CNFN: variants seen among roughly 807,000 people sequenced by gnomAD.
CNFN encodes the protein cornefied envelope protein cornefilin.
A neutral mutation model predicts 14.9 loss-of-function variants in CNFN; 10 were observed. The ratio of observed to expected loss-of-function variants is 0.67; its 90% CI spans 0.41 to 1.14. The LOEUF (loss-of-function observed/expected upper bound fraction) is 1.14. Ranked by LOEUF, CNFN falls within the 50% of genes most tolerant of loss-of-function variation. The pLI is 0.00. For missense variants in CNFN, 165 were observed against 152.8 expected (o/e 1.08, Z -0.42); for synonymous variants, 66 against 60.0 (o/e 1.10, Z -0.46).
At chr19:42,387,995 C>CAAAAAAAAAAAAAAAA (rs755521374) in intron 2 of CNFN, among the ~76,000 whole-genome samples, 6 of 36,106 alleles carry the variant, frequency 1.7e-4, no homozygotes, top group Non-Finnish European at 2.6e-4. Flanking sequence ...AAACAAAAAA[C>CAAAAAAAAAAAAAAAA]AAAACAAAAA....
rs376431806 is a variant in CNFN at position 42,388,993 on chromosome 19, G to A, written c.45C>T (p.Ser15=). The A allele has an allele frequency of 9.9e-6, 16 of 1,613,994 alleles. No homozygotes were observed. The East Asian group carries it at 2.0e-4, about 20-fold the overall frequency. ...VTSQPQCATT[S]CYQTQLSDWH... is the part of the protein sequence containing the mutation. ...AGTCACTGAGCTGGGTCTGGTAGCA[G>A]CTGGTGGTGGCGCACTGGGGCTGAC... The change falls in exon 2 of 4, where the codon AGC becomes AGT. Residue 15 remains serine, a synonymous_variant. Coordinates refer to ENST00000222032, the MANE Select transcript of CNFN (RefSeq NM_032488.4).
chr19:42,387,517 G>T (rs538896941), intron 2 of CNFN, 41 bp from the exon 3 acceptor site: 17 of 1,487,774 alleles, frequency 1.1e-5, no homozygotes, highest in East Asian at 2.5e-5. Context: ...GCCAGCCGGG[G>T]CCTCCCGACG....
intron 2 of CNFN, 39 bp from the exon 3 acceptor site, chr19:42,387,515 G>A: frequency 6.7e-7 from 1 of 1,501,044 alleles, no homozygotes; most frequent in Non-Finnish European, 8.9e-7. Flanking sequence ...GGGCCAGCCG[G>A]GGCCTCCCGA....
chr19:42,388,538 G>A (rs141689230), intron 2 of CNFN, among the ~76,000 whole-genome samples: 1 of 152,202 alleles, frequency 6.6e-6, no homozygotes, highest in African/African-American at 2.4e-5. Context: ...TCATTATGTT[G>A]CCCAGGCTGA....
chr19:42,387,554 A>C, intron 2 of CNFN, 78 bp from the exon 3 acceptor site: 2 of 1,148,778 alleles, frequency 1.7e-6, no homozygotes, highest in South Asian at 3.1e-5. Context: ...GGCGCGGTTG[A>C]TTCGCCGCGG....
intron 2 of CNFN, among the ~76,000 whole-genome samples, 184 bp downstream of exon 2, chr19:42,388,742 T>C (rs1024199490): frequency 2.2e-4 from 33 of 152,080 alleles, no homozygotes; most frequent in South Asian, 2.1e-4. Flanking sequence ...TGAGGTAGTA[T>C]CCTAAGGAGT....
Position 42,387,935 on chromosome 19 carries a change from G to A in CNFN, c.113-459C>T, listed in dbSNP as rs1217865666. On this transcript the variant is annotated intron_variant, in intron 2 of 3. Coordinates refer to ENST00000222032, the MANE Select transcript of CNFN (RefSeq NM_032488.4). ...GCGGAGGTTGCAGTGAGCATAGACT[G>A]TGCCATTGCATTCCAGCCTGGGCGA... 2.1e-5 allele frequency among the ~76,000 whole-genome samples: 3 copies of A among 142,856 alleles called. No homozygotes were observed. The Admixed American group carries it at 2.2e-4, about 10-fold the overall frequency. The allele number at this position is 142,856 out of a possible 152,430, so 93.7% of individuals were successfully genotyped here.
chr19:42,388,298 A>G (rs954373306), intron 2 of CNFN, among the ~76,000 whole-genome samples: 1 of 150,924 alleles, frequency 6.6e-6, no homozygotes, highest in Non-Finnish European at 1.5e-5. Flanking sequence ...GGTTCAATCA[A>G]TTCTCTTTCT....
chr19:42,388,322 A>G (rs2039871378), intron 2 of CNFN, among the ~76,000 whole-genome samples: 8 of 150,958 alleles, frequency 5.3e-5, no homozygotes. Context: ...CCTCCCGAGT[A>G]GCTGAGTTTA....
rs564853838 is a variant in CNFN at position 42,387,702 on chromosome 19, C to T, written c.113-226G>A. On this transcript the variant is annotated intron_variant, in intron 2 of 3. Coordinates refer to ENST00000222032, the MANE Select transcript of CNFN (RefSeq NM_032488.4). ...TTTTTTTTTTTTTAGAAATTGGAGG[C>T]TGGGTGCAGTGGCTTACGCCTGTAA... Among the ~76,000 whole-genome samples the T allele has an allele frequency of 5.3e-5, 7 of 131,474 alleles. No individual in the cohort carries two copies. The East Asian group carries it at 1.4e-3, about 26-fold the overall frequency. 86.3% of individuals were successfully genotyped at this position (131,474 alleles called of 152,430 possible). A position where few individuals can be genotyped will look rare whatever the true frequency, so the allele number is the denominator to read the frequency against.
intron 2 of CNFN, among the ~76,000 whole-genome samples, chr19:42,388,320 G>A (rs1352881765): frequency 6.6e-6 from 1 of 151,668 alleles, no homozygotes. Flanking sequence ...AGCCTCCCGA[G>A]TAGCTGAGTT....
intron 1 of CNFN, among the ~76,000 whole-genome samples, chr19:42,389,976 G>A (rs1437530556): frequency 1.3e-5 from 2 of 152,228 alleles, no homozygotes; most frequent in East Asian, 3.9e-4. Context: ...TCAGAGACAT[G>A]AGGAGGAACG....
At chr19:42,389,830 A>G (rs2039885115) in intron 1 of CNFN, among the ~76,000 whole-genome samples, 1 of 152,222 alleles carries the variant, frequency 6.6e-6, no homozygotes, top group Non-Finnish European at 1.5e-5. Flanking sequence ...GAGAACAAGA[A>G]ATGGAGATGG....
Position 42,388,005 on chromosome 19 carries a change from A to AAAAAAAAC in CNFN, c.113-530_113-529insGTTTTTTT, listed in dbSNP as rs2039868815. On this transcript the variant is annotated intron_variant, in intron 2 of 3. Transcript: ENST00000222032. Reference sequence around the variant, plus strand: ...AAAAAAAACAAAAAACAAAACAAAAAAAAAAACGAAAGAAAGAAAAAAAAA... The same window carrying AAAAAAAAC: ...AAAAAAAACAAAAAACAAAACAAAAAAAAAAAACAAAAAACGAAAGAAAGAAAAAAAAA... Among the ~76,000 whole-genome samples the AAAAAAAAC allele has an allele frequency of 1.5e-4, 22 of 143,718 alleles. 1 individual carries two copies. The highest frequency in any genetic ancestry group is 5.8e-4 in the African/African-American group (21 of 36,262). The allele number at this position is 143,718 out of a possible 152,430, so 94.3% of individuals were successfully genotyped here.
chr19:42,387,158 C>G lies in CNFN; in HGVS notation c.334G>C (p.Glu112Gln), dbSNP rs377142154. 5 of 1,614,082 alleles carry G rather than the reference C, an allele frequency of 3.1e-6. No individual in the cohort carries two copies. The Admixed American group carries it at 5.0e-5, about 16-fold the overall frequency. The change falls in exon 4 of 4, where the codon GAG (glutamate) becomes CAG (glutamine). Residue 112 changes from glutamate to glutamine, a missense_variant. Glu to Gln is a conservative substitution (Grantham distance 29). Coordinates refer to ENST00000222032, the MANE Select transcript of CNFN (RefSeq NM_032488.4). ...CQMARELKIR[E>Q] ...GGGGAAGACAGGGAACTTCCTTACT[C>G]TCGGATCTTCAGTTCCCGCGCCATC...
In CNFN at chr19:42,387,130, G is replaced by A; in HGVS notation, c.*23C>T. The A allele has an allele frequency of 1.2e-6, 2 of 1,612,904 alleles. No homozygotes were observed. The highest frequency in any genetic ancestry group is 1.7e-6 in the Non-Finnish European group (2 of 1,178,862). On this transcript the variant is annotated 3_prime_UTR_variant, in exon 4 of 4. Transcript: ENST00000222032. ...GCCAGAGGCGAGACTGGTGGAAAAG[G>A]ACGGGGAAGACAGGGAACTTCCTTA...
Position 42,387,435 on chromosome 19 carries a change from T to G in CNFN, c.154A>C (p.Ile52Leu). Residue 52 changes from isoleucine to leucine, a missense_variant, in exon 3 of 4, where the codon ATC (isoleucine) becomes CTC (leucine). By Grantham distance (5) the Ile-to-Leu change is conservative (BLOSUM62 2). Transcript: ENST00000222032. ...TFAPLCLACR[I>L]SDDFGECCCA... ...CAGCACTCGCCAAAGTCGTCGGAGA[T>G]GCGGCAGGCAAGGCACAGAGGAGCA... is the stretch of plus-strand genomic sequence containing the variant. 1.3e-6 allele frequency: 2 copies of G among 1,599,758 alleles called. No homozygotes were observed. The highest frequency in any genetic ancestry group is 2.3e-5 in the East Asian group (1 of 44,078).
chr19:42,388,872 T>C, intron 2 of CNFN, 54 bp downstream of exon 2: 1 of 1,347,524 alleles, frequency 7.4e-7, no homozygotes, highest in Non-Finnish European at 1.0e-6. Flanking sequence ...CTCTCCTGAT[T>C]CCCCCCAAAC....
chr19:42,388,444 T>G (rs2039872630), intron 2 of CNFN, among the ~76,000 whole-genome samples: 1 of 151,974 alleles, frequency 6.6e-6, no homozygotes. Context: ...CCACCTGCCA[T>G]GGCCTCCCAA....
Sources: allele counts gnomAD v4.1 joint callset (sites outside exome capture counted in the v4.1 genomes callset), GRCh38; gene constraint gnomAD v4.1.1; transcripts MANE v1.5; gene names NCBI Gene and HGNC (gene_info 2026-07-23, HGNC 2026-07-21).